The following GABRB3 variants were observed in gnomAD, a reference collection of about 807,000 sequenced individuals.
GABRB3 encodes the protein gamma-aminobutyric acid type A receptor subunit beta3, also known as gamma-aminobutyric acid receptor subunit beta-3.
Under a neutral mutation model 52.1 loss-of-function variants are expected in GABRB3, and 14 were observed. The ratio of observed to expected loss-of-function variants is 0.27; its 90% confidence interval spans 0.18 to 0.42. The LOEUF (loss-of-function observed/expected upper bound fraction) is 0.42, where lower values mean the gene tolerates loss of function less well. GABRB3 is among the 10% of genes least tolerant of loss of function. The pLI is 1.00. For synonymous variants in GABRB3, 260 were observed against 232.3 expected, an observed-to-expected ratio of 1.12 and a Z score of -1.08; for missense variants, 307 against 609.1, an observed-to-expected ratio of 0.50 and a Z score of 5.22.
At chr15:26,682,764 G>A (rs1468486171) in intron 3 of GABRB3, among the ~76,000 whole-genome samples, 1 of 152,222 alleles carries the variant, frequency 6.6e-6, no homozygotes, top group East Asian at 1.9e-4. Flanking sequence ...GAGGACTTGA[G>A]GCTCTGAAAA....
chr15:26,696,257 A>G (rs1888734721), intron 3 of GABRB3, among the ~76,000 whole-genome samples: 1 of 152,112 alleles, frequency 6.6e-6, no homozygotes, highest in Non-Finnish European at 1.5e-5. Flanking sequence ...TTTTAATAAT[A>G]GTCACCTGTT....
chr15:26,680,774 T>C (rs1302324299), intron 3 of GABRB3, among the ~76,000 whole-genome samples: 3 of 152,180 alleles, frequency 2.0e-5, no homozygotes, highest in African/African-American at 4.8e-5. Flanking sequence ...CATTAAGAGA[T>C]ACACTACTTT....
intron 3 of GABRB3, among the ~76,000 whole-genome samples, chr15:26,703,503 A>G (rs1889001568): frequency 1.3e-5 from 2 of 152,174 alleles, no homozygotes; most frequent in Non-Finnish European, 2.9e-5. Flanking sequence ...TCTGGAATAC[A>G]TTCACTCCAT....
intron 3 of GABRB3, among the ~76,000 whole-genome samples, chr15:26,755,902 C>G (rs1890646410): frequency 6.6e-6 from 1 of 152,070 alleles, no homozygotes; most frequent in South Asian, 2.1e-4. Flanking sequence ...ATCTAAATGT[C>G]CAACAATAGA....
chr15:26,740,800 T>C (rs1890184958), intron 3 of GABRB3, among the ~76,000 whole-genome samples: 1 of 152,128 alleles, frequency 6.6e-6, no homozygotes, highest in African/African-American at 2.4e-5. Flanking sequence ...CCACTCCTGC[T>C]TGTCCCAGCA....
rs141117395 is a variant in GABRB3 at position 26,594,380 on chromosome 15, C to T, written c.462-10966G>A. ...ATTTGCTGCTTTTAACTTTATGAGT[C>T]CATTTGTTTTGAATCATTTCAAAAC... On this transcript the variant is annotated intron_variant, in intron 4 of 8. Transcript: ENST00000311550. Among the ~76,000 whole-genome samples the T allele has an allele frequency of 6.2e-3, 945 of 151,920 alleles. 9 individuals are homozygous for T. Among genetic ancestry groups the T allele is most frequent in the Non-Finnish European group, 9.9e-3 (674 of 67,948 alleles).
rs1224932343 is a variant in GABRB3, at chr15:26,580,470, A to C, written c.545-14T>G. ...TGGTGTAGCCATCTGCCAAGAGAGA[A>C]GCAGGGAGACAGCAAACATCACCAT... On this transcript the variant is annotated splice_polypyrimidine_tract_variant and intron_variant, in intron 5 of 8. Coordinates refer to ENST00000311550, the MANE Select transcript of GABRB3 (RefSeq NM_000814.6). The C allele has an allele frequency of 1.2e-6, 2 of 1,614,174 alleles. No individual in the cohort carries two copies. The highest frequency in any genetic ancestry group is 1.1e-5 in the South Asian group (1 of 91,082).
intron 5 of GABRB3, 40 bp from the exon 6 acceptor site, chr15:26,580,496 T>C: frequency 1.2e-6 from 2 of 1,613,174 alleles, no homozygotes. Flanking sequence ...ACATCACCAT[T>C]TCGTATAAAT....
intron 5 of GABRB3, among the ~76,000 whole-genome samples, chr15:26,582,025 T>C (rs193277363): frequency 9.9e-5 from 15 of 152,260 alleles, no homozygotes; most frequent in African/African-American, 3.4e-4. Flanking sequence ...AAAGACACCA[T>C]TTTTCTTTTA....
chr15:26,668,631 A>C lies in GABRB3; in HGVS notation c.241-47097T>G, dbSNP rs77817318. On this transcript the variant is annotated intron_variant, in intron 3 of 8. Coordinates refer to ENST00000311550, the MANE Select transcript of GABRB3 (RefSeq NM_000814.6). ...TATCTTTTCTTGAGAAAGTTATTTA[A>C]TCAGTGGTGTTGAAGAATTAATGTG... Among the ~76,000 whole-genome samples the C allele has an allele frequency of 9.7e-4, 148 of 152,336 alleles. 2 individuals carry two copies. The East Asian group carries it at 0.028, about 29-fold the overall frequency.
In GABRB3 at chr15:26,567,729, G is replaced by C; in HGVS notation, c.687C>G (p.Ala229=). ...VSRNVVFATG[A]YPRLSLSFRL... The stretch of plus-strand genomic sequence containing the variant: ...GAAAGCTCAGTGACAGTCGAGGATA[G>C]GCACCTATGGGAAACAGACAAGGAT... Residue 229 remains alanine (A), a synonymous_variant, in exon 7 of 9, where the codon GCC becomes GCG. Coordinates refer to ENST00000311550, the MANE Select transcript of GABRB3 (RefSeq NM_000814.6). 3 of 1,613,880 alleles carry C rather than the reference G, an allele frequency of 1.9e-6. No individual in the cohort carries two copies. Among genetic ancestry groups the C allele is most frequent in the Non-Finnish European group, 2.5e-6 (3 of 1,179,978 alleles).
At chr15:26,567,330 T>A (rs1371650707) in intron 7 of GABRB3, among the ~76,000 whole-genome samples, 1 of 152,370 alleles carries the variant, frequency 6.6e-6, no homozygotes, top group South Asian at 2.1e-4. Flanking sequence ...AATAGTTTTA[T>A]CATGCAAATA....
intron 3 of GABRB3, among the ~76,000 whole-genome samples, chr15:26,662,332 T>C (rs549199601): frequency 2.4e-4 from 36 of 152,258 alleles, no homozygotes; most frequent in African/African-American, 8.7e-4. Context: ...TAACTCTCTA[T>C]TGGGTTGGGC....
At chr15:26,689,131 G>A (rs892944719) in intron 3 of GABRB3, among the ~76,000 whole-genome samples, 1 of 152,170 alleles carries the variant, frequency 6.6e-6, no homozygotes, top group Non-Finnish European at 1.5e-5. Context: ...GGATGGCCGG[G>A]GTTAGTCCCA....
At chr15:26,730,799 T>C (rs1174530205) in intron 3 of GABRB3, among the ~76,000 whole-genome samples, 1 of 152,236 alleles carries the variant, frequency 6.6e-6, no homozygotes, top group Non-Finnish European at 1.5e-5. Context: ...ATCGCACGAA[T>C]TGCTCAATCC....
chr15:26,625,788 G>C (rs1024240132), intron 3 of GABRB3, among the ~76,000 whole-genome samples: 1 of 152,144 alleles, frequency 6.6e-6, no homozygotes, highest in African/African-American at 2.4e-5. Context: ...GTTCCTGCTG[G>C]CTGACAAGGG....
chr15:26,683,881 G>T (rs552714105), intron 3 of GABRB3, among the ~76,000 whole-genome samples: 2 of 152,260 alleles, frequency 1.3e-5, no homozygotes, highest in South Asian at 4.1e-4. Flanking sequence ...TCTCTAGGGA[G>T]GTGTGGAGAT....
chr15:26,569,964 T>G (rs1467233282), intron 6 of GABRB3, among the ~76,000 whole-genome samples: 1 of 152,232 alleles, frequency 6.6e-6, no homozygotes, highest in Non-Finnish European at 1.5e-5. Flanking sequence ...TCTGATGGTT[T>G]TTACCTTTTC....
chr15:26,638,256 T>A (rs1335235461), intron 3 of GABRB3, among the ~76,000 whole-genome samples: 1 of 152,110 alleles, frequency 6.6e-6, no homozygotes, highest in Admixed American at 6.6e-5. Context: ...CTACTCAATA[T>A]CTAGGCAGAT....
Sources: gnomAD v4.1 joint callset for allele counts (sites outside exome capture counted in the v4.1 genomes callset) on GRCh38, gnomAD v4.1.1 for gene constraint, MANE v1.5 for transcripts, NCBI Gene and HGNC (gene_info 2026-07-23, HGNC 2026-07-21) for gene names.